RABGAP1L: variants seen among roughly 807,000 people sequenced by gnomAD.
RABGAP1L encodes the protein rab GTPase-activating protein 1-like.
A neutral mutation model predicts 137.7 loss-of-function variants in RABGAP1L; 63 were observed. The ratio of observed to expected loss-of-function variants is 0.46; its 90% CI spans 0.37 to 0.56. The LOEUF (loss-of-function observed/expected upper bound fraction) is 0.56. Ranked by LOEUF, RABGAP1L falls within the 20% of genes least tolerant of loss-of-function variation. The pLI, the probability that RABGAP1L is intolerant of heterozygous loss-of-function variation, is 0.00. For synonymous variants in RABGAP1L, 431 were observed against 433.7 expected (o/e 0.99, Z 0.08); for missense variants, 1,095 against 1,244.0 (o/e 0.88, Z 1.80).
At chr1:174,564,551 T>G (rs1667441698) in intron 13 of RABGAP1L, among the ~76,000 whole-genome samples, 3 of 152,176 alleles carry the variant, frequency 2.0e-5, no homozygotes, top group African/African-American at 7.2e-5. Context: ...CTGCCAGGGT[T>G]AAACTTGACT....
intron 17 of RABGAP1L, among the ~76,000 whole-genome samples, chr1:174,751,510 C>G (rs1310023762): frequency 6.6e-6 from 1 of 152,170 alleles, no homozygotes; most frequent in African/African-American, 2.4e-5. Flanking sequence ...TGTATGATGA[C>G]TTGCATGGCA....
chr1:174,605,316 C>G (rs1670706129), intron 13 of RABGAP1L, among the ~76,000 whole-genome samples: 1 of 152,148 alleles, frequency 6.6e-6, no homozygotes, highest in South Asian at 2.1e-4. Flanking sequence ...TCTCAAAATG[C>G]TATCATAAGC....
At chr1:174,952,129 G>A (rs1437426282) in intron 19 of RABGAP1L, among the ~76,000 whole-genome samples, 3 of 151,752 alleles carry the variant, frequency 2.0e-5, no homozygotes, top group East Asian at 1.9e-4. Context: ...TAAGATCTGC[G>A]GTGTTGAAAA....
intron 13 of RABGAP1L, among the ~76,000 whole-genome samples, chr1:174,405,110 A>G (rs1307744574): frequency 6.6e-6 from 1 of 152,224 alleles, no homozygotes; most frequent in Non-Finnish European, 1.5e-5. Flanking sequence ...TAATGATAAT[A>G]TTGGAAATTC....
chr1:174,652,655 T>A (rs960755525), intron 14 of RABGAP1L, among the ~76,000 whole-genome samples: 1 of 152,198 alleles, frequency 6.6e-6, no homozygotes, highest in African/African-American at 2.4e-5. Context: ...TTGCTTCCTG[T>A]TCCTTCCTCT....
At chr1:174,266,883 C>G (rs141894325) in intron 7 of RABGAP1L, among the ~76,000 whole-genome samples, 2 of 152,238 alleles carry the variant, frequency 1.3e-5, no homozygotes, top group African/African-American at 4.8e-5. Context: ...AGAAGATGCA[C>G]AGTCTTAGAA....
At chr1:174,548,451 A>G (rs922041859) in intron 13 of RABGAP1L, 19 of 934,972 alleles carry the variant, frequency 2.0e-5, no homozygotes, top group Middle Eastern at 5.4e-4. Flanking sequence ...TGGATATATC[A>G]TATTATATGC....
At chr1:174,552,326 C>T (rs893765921) in intron 13 of RABGAP1L, among the ~76,000 whole-genome samples, 6 of 152,138 alleles carry the variant, frequency 3.9e-5, no homozygotes, top group Admixed American at 1.3e-4. Context: ...TTCCACCCTC[C>T]GCCTCCACCC....
chr1:174,597,566 A>C (rs115740849), intron 13 of RABGAP1L, among the ~76,000 whole-genome samples: 1 of 151,542 alleles, frequency 6.6e-6, no homozygotes, highest in African/African-American at 2.4e-5. Context: ...ATTTTTTTTT[A>C]ATCTCTGATT....
chr1:174,493,528 T>G (rs1246931482), intron 13 of RABGAP1L, among the ~76,000 whole-genome samples: 1 of 151,840 alleles, frequency 6.6e-6, no homozygotes, highest in Non-Finnish European at 1.5e-5. Context: ...GATGATAATT[T>G]TATAGGCTTG....
intron 20 of RABGAP1L, among the ~76,000 whole-genome samples, chr1:174,968,035 C>T (rs1420062548): frequency 6.6e-6 from 1 of 151,866 alleles, no homozygotes; most frequent in African/African-American, 2.4e-5. Flanking sequence ...GGATCCTCTG[C>T]CTCTGTGAAA....
intron 7 of RABGAP1L, among the ~76,000 whole-genome samples, chr1:174,263,862 CT>C (rs1474583768): frequency 6.6e-6 from 1 of 151,608 alleles, no homozygotes; most frequent in East Asian, 1.9e-4. Context: ...GTATGACTTT[CT>C]TTCTTTTTTG....
intron 1 of RABGAP1L, among the ~76,000 whole-genome samples, chr1:174,164,416 A>G (rs1438369116): frequency 1.3e-5 from 2 of 152,230 alleles, no homozygotes; most frequent in Admixed American, 1.3e-4. Flanking sequence ...TGTGACCCAC[A>G]ATAAAAAATA....
At chr1:174,485,760 T>C (rs1655134977) in intron 13 of RABGAP1L, among the ~76,000 whole-genome samples, 1 of 152,212 alleles carries the variant, frequency 6.6e-6, no homozygotes, top group African/African-American at 2.4e-5. Context: ...GCTGAGGATT[T>C]TTGCATCAAT....
At chr1:174,487,873 G>A (rs567965149) in intron 13 of RABGAP1L, among the ~76,000 whole-genome samples, 11 of 152,070 alleles carry the variant, frequency 7.2e-5, no homozygotes, top group African/African-American at 2.7e-4. Context: ...ACTTCACACT[G>A]TTTGTATAAA....
intron 19 of RABGAP1L, among the ~76,000 whole-genome samples, chr1:174,912,684 G>A (rs930691947): frequency 6.6e-6 from 1 of 151,966 alleles, no homozygotes; most frequent in South Asian, 2.1e-4. Flanking sequence ...TGTCAGAAAG[G>A]GATTCATTTA....
At chr1:174,688,167 T>G (rs901408545) in intron 15 of RABGAP1L, among the ~76,000 whole-genome samples, 1 of 151,942 alleles carries the variant, frequency 6.6e-6, no homozygotes, top group African/African-American at 2.4e-5. Flanking sequence ...TTCATAATCA[T>G]GATATTAGTC....
chr1:174,750,238 GT>G (rs1684241362), intron 17 of RABGAP1L, among the ~76,000 whole-genome samples: 1 of 152,162 alleles, frequency 6.6e-6, no homozygotes, highest in South Asian at 2.1e-4. Context: ...GCTACAGGGT[GT>G]TTGCTGTCTG....
intron 11 of RABGAP1L, among the ~76,000 whole-genome samples, chr1:174,347,813 A>G (rs570360016): frequency 1.1e-4 from 17 of 152,244 alleles, no homozygotes; most frequent in Non-Finnish European, 2.2e-4. Context: ...TGTTTTGTCT[A>G]ATTATAGCTC....
Sources: allele counts gnomAD v4.1 joint callset (sites outside exome capture counted in the v4.1 genomes callset), GRCh38; gene constraint gnomAD v4.1.1; transcripts MANE v1.5; gene names NCBI Gene and HGNC (gene_info 2026-07-23, HGNC 2026-07-21).